The following C4orf51 variants were observed in gnomAD, a reference collection of about 807,000 sequenced individuals.
C4orf51 encodes uncharacterized protein C4orf51.
A neutral mutation model predicts 25.2 loss-of-function variants in C4orf51; 25 were observed. That is an observed-to-expected ratio of 0.99 (90% CI 0.72 to 1.39). The LOEUF (loss-of-function observed/expected upper bound fraction) is 1.39. Among genes scored for constraint, C4orf51 ranks in the 40% most tolerant of loss-of-function variants. The probability of loss-of-function intolerance (pLI) is 0.00; values close to 1 mark genes in which losing one functional copy is unlikely to be tolerated. For synonymous variants in C4orf51, 100 were observed against 84.5 expected, an observed-to-expected ratio of 1.18 and a Z score of -1.01; for missense variants, 252 against 239.6, an observed-to-expected ratio of 1.05 and a Z score of -0.34.
chr4:145,702,814 C>A (rs1000330460), intron 2 of C4orf51, among the ~76,000 whole-genome samples: 1 of 152,070 alleles, frequency 6.6e-6, no homozygotes, highest in Non-Finnish European at 1.5e-5. Flanking sequence ...CAGGCCATCA[C>A]CAATCATTCT....
the C4orf51 span, chr4:145,776,093 C>A: frequency 1.2e-5 from 12 of 995,026 alleles, no homozygotes; most frequent in East Asian, 3.0e-4. Flanking sequence ...AATGGTAATG[C>A]CTAGGAATTG....
intron 1 of C4orf51, among the ~76,000 whole-genome samples, chr4:145,770,066 G>A (rs1229236135): frequency 1.3e-5 from 2 of 152,178 alleles, no homozygotes; most frequent in African/African-American, 4.8e-5. Context: ...GGGAGGCTGA[G>A]GTGGGTGAAT....
At chr4:145,777,259 T>A in the C4orf51 span, among the ~76,000 whole-genome samples, 6 of 152,226 alleles carry the variant, frequency 3.9e-5, no homozygotes, top group Non-Finnish European at 8.8e-5. Flanking sequence ...TTTGTATGAA[T>A]AAGTGAGGTT....
intron 5 of C4orf51, among the ~76,000 whole-genome samples, chr4:145,730,910 G>C (rs929093639): frequency 3.9e-5 from 6 of 152,316 alleles, no homozygotes; most frequent in Middle Eastern, 6.8e-3. Context: ...TTTTAATGAT[G>C]CTCTTCCAAA....
At chr4:145,756,409 T>C (rs1017029591), downstream of C4orf51, among the ~76,000 whole-genome samples, 2 of 152,098 alleles carry the variant, frequency 1.3e-5, no homozygotes, top group Non-Finnish European at 2.9e-5. Flanking sequence ...GATGCCGGGG[T>C]CCACACACCA....
chr4:145,780,172 C>T, the C4orf51 span, among the ~76,000 whole-genome samples: 2 of 147,758 alleles, frequency 1.4e-5, no homozygotes, highest in Non-Finnish European at 3.0e-5. Context: ...GCCTGGGTGG[C>T]AGAGTGAGAC....
chr4:145,737,974 G>A (rs531767222), intron 1 of C4orf51, among the ~76,000 whole-genome samples: 2 of 152,310 alleles, frequency 1.3e-5, no homozygotes, highest in African/African-American at 4.8e-5. Flanking sequence ...ATAGTAAAAT[G>A]CTGAGGAAGA....
chr4:145,775,869 C>G, downstream of C4orf51: 1 of 1,614,174 alleles, frequency 6.2e-7, no homozygotes, highest in Non-Finnish European at 8.5e-7. Context: ...CTGTACTCAC[C>G]AGCTTCACGG....
At chr4:145,730,015 G>A (rs1376608852) in intron 5 of C4orf51, 50 bp downstream of exon 5, 2 of 1,528,164 alleles carry the variant, frequency 1.3e-6, no homozygotes, top group South Asian at 1.1e-5. Context: ...GGGGTAGTCA[G>A]GAAGCGGGGT....
intron 1 of C4orf51, among the ~76,000 whole-genome samples, chr4:145,749,669 C>G (rs1393496789): frequency 6.6e-6 from 1 of 152,096 alleles, no homozygotes; most frequent in Non-Finnish European, 1.5e-5. Flanking sequence ...GAGTCTCACT[C>G]TGTTGCCCAG....
downstream of C4orf51, among the ~76,000 whole-genome samples, chr4:145,755,502 C>T (rs1733886283): frequency 6.6e-6 from 1 of 152,152 alleles, no homozygotes; most frequent in South Asian, 2.1e-4. Flanking sequence ...TTTCTTTTCC[C>T]TTTTGCACCT....
At chr4:145,701,967 C>G (rs985058239) in intron 2 of C4orf51, among the ~76,000 whole-genome samples, 1 of 152,066 alleles carries the variant, frequency 6.6e-6, no homozygotes, top group Non-Finnish European at 1.5e-5. Context: ...TCTCATATCC[C>G]CCCACCTTAA....
At chr4:145,792,430 A>G in the C4orf51 span, among the ~76,000 whole-genome samples, 1 of 152,216 alleles carries the variant, frequency 6.6e-6, no homozygotes, top group African/African-American at 2.4e-5. Context: ...TAAATAAATG[A>G]AAAATCTAAG....
At chr4:145,701,833 G>A (rs550279539) in intron 2 of C4orf51, among the ~76,000 whole-genome samples, 7 of 151,854 alleles carry the variant, frequency 4.6e-5, no homozygotes, top group Admixed American at 2.6e-4. Flanking sequence ...ATCCCCACCT[G>A]CCCAGTTCCA....
At position 145,763,731 on chromosome 4, in the gene C4orf51, A is replaced by C. The variant is rs1290340345; in HGVS notation, n.167-7257A>C. Among the ~76,000 whole-genome samples, 1 of 152,220 alleles carries C rather than the reference A, an allele frequency of 6.6e-6. No individual in the cohort carries two copies. The highest frequency in any genetic ancestry group is 1.5e-5 in the Non-Finnish European group (1 of 68,044). On this transcript the variant is annotated intron_variant and non_coding_transcript_variant, in intron 1 of 1. Coordinates refer to the C4orf51 transcript ENST00000510096. This position sits in a 1 kb window ranked among gnomAD's most constrained non-coding sequence, Gnocchi z 4.6. ...TCTCTTTTTAAAATGAGAGCACACA[A>C]ATATTTATAAAGGGACAGTGGGAAC...
At position 145,729,893 on chromosome 4, in the gene C4orf51, T is replaced by A; in HGVS notation, c.429T>A (p.Cys143Ter). The change falls in exon 5 of 6, where the codon TGT (cysteine) becomes TGA (stop). Residue 143 changes from cysteine to a stop codon, truncating the protein, a stop_gained and splice_region_variant. Transcript: ENST00000438731. LOFTEE classifies it high-confidence loss of function. ...ACATTGGCTATCTCTTCACCCTAGGTGTGAGACCTAAAAAGCCAGCACAGG... is the reference window on the plus strand; with the variant it reads ...ACATTGGCTATCTCTTCACCCTAGGAGTGAGACCTAAAAAGCCAGCACAGG... ...FPTPPNYGKY[C>*]VRPKKPAQEA... The A allele has an allele frequency of 6.2e-7, 1 of 1,613,440 alleles. No individual in the cohort carries two copies. Among genetic ancestry groups the A allele is most frequent in the Non-Finnish European group, 8.5e-7 (1 of 1,179,410 alleles).
intron 2 of C4orf51, among the ~76,000 whole-genome samples, chr4:145,703,406 C>T (rs957281353): frequency 6.6e-6 from 1 of 152,150 alleles, no homozygotes; most frequent in South Asian, 2.1e-4. Context: ...CCTTCACTGA[C>T]TCTCTTTTCG....
chr4:145,742,532 G>GTTTTTTTTTTTTTTTT (rs141147414), intron 1 of C4orf51, among the ~76,000 whole-genome samples: 2 of 104,990 alleles, frequency 1.9e-5, no homozygotes, highest in Non-Finnish European at 1.9e-5. Flanking sequence ...TCTTTTTCTT[G>GTTTTTTTTTTTTTTTT]TTTTTTTTTT....
intron 3 of C4orf51, 53 bp from the exon 4 acceptor site, chr4:145,729,116 T>C: frequency 1.7e-6 from 2 of 1,197,562 alleles, no homozygotes; most frequent in Non-Finnish European, 2.4e-6. Context: ...TTTTATTAGA[T>C]TTCTATTATT....
Sources: allele counts gnomAD v4.1 joint callset (sites outside exome capture counted in the v4.1 genomes callset), GRCh38; gene constraint gnomAD v4.1.1; non-coding constraint Gnocchi (gnomAD v3.1); transcripts MANE v1.5; gene names NCBI Gene and HGNC (gene_info 2026-07-23, HGNC 2026-07-21).